GPC5: variants seen among roughly 807,000 people sequenced by gnomAD.
GPC5 encodes glypican-5.
In GPC5, 47 loss-of-function variants were observed where a neutral mutation model predicts 53.9. That is an observed-to-expected ratio of 0.87 (90% CI 0.69 to 1.11). The LOEUF (loss-of-function observed/expected upper bound fraction) is 1.11, where lower values mean the gene tolerates loss of function less well. Ranked by LOEUF, GPC5 falls within the 50% of genes most tolerant of loss-of-function variation. The pLI is 0.00. For synonymous variants in GPC5, 286 were observed against 263.3 expected, an observed-to-expected ratio of 1.09 and a Z score of -0.84; for missense variants, 748 against 713.1, an observed-to-expected ratio of 1.05 and a Z score of -0.56.
chr13:92,236,130 A>G (rs559682195), intron 7 of GPC5, among the ~76,000 whole-genome samples: 1 of 152,166 alleles, frequency 6.6e-6, no homozygotes, highest in African/African-American at 2.4e-5. Flanking sequence ...TCTTCTTCAA[A>G]TTTACTTGAA....
At chr13:92,394,942 T>C (rs1452897231) in intron 7 of GPC5, among the ~76,000 whole-genome samples, 3 of 152,206 alleles carry the variant, frequency 2.0e-5, no homozygotes, top group Admixed American at 2.0e-4. Flanking sequence ...ACTATGTCGT[T>C]TATTGCAACC....
At chr13:91,532,711 C>CA (rs1388998824) in intron 2 of GPC5, among the ~76,000 whole-genome samples, 4 of 151,822 alleles carry the variant, frequency 2.6e-5, no homozygotes, top group East Asian at 1.9e-4. Flanking sequence ...ACTAAAAATA[C>CA]AAAAAAATAG....
chr13:91,515,576 T>C (rs900346032), intron 2 of GPC5, among the ~76,000 whole-genome samples: 1 of 152,228 alleles, frequency 6.6e-6, no homozygotes, highest in Non-Finnish European at 1.5e-5. Context: ...TTTATCTTAT[T>C]TGAATCTGTG....
rs539518819 is a variant in GPC5 at position 92,118,819 on chromosome 13, T to G, written c.1402-26011T>G. The stretch of plus-strand genomic sequence containing the variant: ...AGGCCTTGGTGAGCATGCTTTGTCT[T>G]GGCTGGTGCCATAAGTCTATACTCA... On this transcript the variant is annotated intron_variant, in intron 6 of 7. Coordinates refer to ENST00000377067, the MANE Select transcript of GPC5 (RefSeq NM_004466.6). Among the ~76,000 whole-genome samples the G allele has an allele frequency of 9.1e-4, 138 of 152,334 alleles. 1 individual carries two copies. The highest frequency in any genetic ancestry group is 3.2e-3 in the African/African-American group (132 of 41,580).
chr13:92,331,286 AT>A (rs1032042013), intron 7 of GPC5, among the ~76,000 whole-genome samples: 1 of 152,142 alleles, frequency 6.6e-6, no homozygotes, highest in African/African-American at 2.4e-5. Flanking sequence ...AAGCACAATT[AT>A]TACAAAATGC....
intron 7 of GPC5, among the ~76,000 whole-genome samples, chr13:92,171,915 C>T (rs1322820078): frequency 1.3e-5 from 2 of 152,170 alleles, no homozygotes; most frequent in Non-Finnish European, 2.9e-5. Flanking sequence ...AGTCAATTTC[C>T]CAAGAGAGCT....
At chr13:91,423,635 T>A (rs1167578201) in intron 1 of GPC5, among the ~76,000 whole-genome samples, 3 of 152,108 alleles carry the variant, frequency 2.0e-5, no homozygotes. Flanking sequence ...AACGTTTCAG[T>A]TAGGAGGAAT....
chr13:92,729,729 T>C (rs1201698225), intron 7 of GPC5, among the ~76,000 whole-genome samples: 1 of 151,366 alleles, frequency 6.6e-6, no homozygotes, highest in Non-Finnish European at 1.5e-5. Flanking sequence ...ATTGCTTAAG[T>C]CACAAAGTAA....
At chr13:92,231,749 C>T (rs532430203) in intron 7 of GPC5, among the ~76,000 whole-genome samples, 2 of 151,986 alleles carry the variant, frequency 1.3e-5, no homozygotes, top group Admixed American at 6.6e-5. Context: ...GGGCAGATCA[C>T]GAGATCAGGA....
At chr13:92,509,995 A>G (rs535166416) in intron 7 of GPC5, 3 of 152,310 alleles carry the variant, frequency 2.0e-5, no homozygotes, top group African/African-American at 4.8e-5. Context: ...TTCAGATTGT[A>G]TAAGAGATTT....
intron 7 of GPC5, among the ~76,000 whole-genome samples, chr13:92,679,016 G>T (rs1887035440): frequency 6.6e-6 from 1 of 152,078 alleles, no homozygotes; most frequent in Admixed American, 6.6e-5. Flanking sequence ...GGGGGGAAAT[G>T]GATTAAGAAA....
intron 6 of GPC5, among the ~76,000 whole-genome samples, chr13:91,960,258 A>G (rs1330894397): frequency 6.6e-6 from 1 of 152,022 alleles, no homozygotes; most frequent in Non-Finnish European, 1.5e-5. Flanking sequence ...AATATGCAAA[A>G]ATCAGTGGCA....
chr13:92,789,846 T>G (rs1209157723), intron 7 of GPC5, among the ~76,000 whole-genome samples: 2 of 152,086 alleles, frequency 1.3e-5, no homozygotes, highest in African/African-American at 2.4e-5. Context: ...ATAGGGTATC[T>G]GCAAGCTGAG....
chr13:92,807,807 A>C (rs1594520807), intron 7 of GPC5, among the ~76,000 whole-genome samples: 1 of 152,108 alleles, frequency 6.6e-6, no homozygotes, highest in Non-Finnish European at 1.5e-5. Flanking sequence ...CACGCTTTAA[A>C]GGCTGTGTGA....
intron 7 of GPC5, among the ~76,000 whole-genome samples, chr13:92,660,053 A>G (rs756854001): frequency 3.9e-5 from 6 of 152,206 alleles, no homozygotes; most frequent in Non-Finnish European, 7.4e-5. Flanking sequence ...TTGAAGGAAT[A>G]CTAACTACAC....
At chr13:91,524,825 A>T (rs1886010147) in intron 2 of GPC5, among the ~76,000 whole-genome samples, 2 of 152,204 alleles carry the variant, frequency 1.3e-5, no homozygotes, top group Admixed American at 6.5e-5. Flanking sequence ...GAAATTTGAA[A>T]TGAATATTTG....
At chr13:91,728,175 A>G (rs1309297237) in intron 3 of GPC5, among the ~76,000 whole-genome samples, 3 of 152,188 alleles carry the variant, frequency 2.0e-5, no homozygotes, top group Admixed American at 6.5e-5. Context: ...ATTTTAAAAT[A>G]GGACAAGTAT....
chr13:92,347,484 A>G (rs745693698), intron 7 of GPC5, among the ~76,000 whole-genome samples: 3 of 152,066 alleles, frequency 2.0e-5, no homozygotes, highest in Non-Finnish European at 4.4e-5. Flanking sequence ...TCCCAGAAAA[A>G]TGAAAGCAAA....
chr13:91,463,185 A>G (rs1206788964), intron 2 of GPC5, among the ~76,000 whole-genome samples: 1 of 152,088 alleles, frequency 6.6e-6, no homozygotes, highest in Non-Finnish European at 1.5e-5. Flanking sequence ...ACTTTAAATC[A>G]TCTCTAGATT....
Sources: allele counts gnomAD v4.1 joint callset (sites outside exome capture counted in the v4.1 genomes callset), GRCh38; gene constraint gnomAD v4.1.1; transcripts MANE v1.5; gene names NCBI Gene and HGNC (gene_info 2026-07-23, HGNC 2026-07-21).